Variants in TMTC4 observed in about 807,000 individuals in gnomAD.
TMTC4 encodes protein O-mannosyl-transferase TMTC4.
A neutral mutation model predicts 86.0 loss-of-function variants in TMTC4; 65 were observed. The observed-to-expected ratio is 0.76, with a 90% confidence interval of 0.62 to 0.93. The LOEUF (loss-of-function observed/expected upper bound fraction) is 0.93. TMTC4 is among the 40% of genes least tolerant of loss of function. The pLI, the probability that TMTC4 is intolerant of heterozygous loss-of-function variation, is 0.00. For missense variants in TMTC4, 866 were observed against 948.1 expected, an observed-to-expected ratio of 0.91 and a Z score of 1.14; for synonymous variants, 379 against 382.5, an observed-to-expected ratio of 0.99 and a Z score of 0.11.
intron 5 of TMTC4, among the ~76,000 whole-genome samples, chr13:100,659,643 TCTC>T (rs901776935): frequency 1.3e-5 from 2 of 151,830 alleles, no homozygotes; most frequent in African/African-American, 4.8e-5. Flanking sequence ...CCTCCCAGGC[TCTC>T]CTCCTTGCAG....
chr13:100,671,901 A>G (rs1887154367), intron 1 of TMTC4, among the ~76,000 whole-genome samples: 2 of 151,094 alleles, frequency 1.3e-5, no homozygotes, highest in Non-Finnish European at 2.9e-5. Context: ...AAAAGCTACA[A>G]TTTGTTAGAA....
chr13:100,625,394 A>G, intron 15 of TMTC4, 141 bp downstream of exon 15: 1 of 1,159,856 alleles, frequency 8.6e-7, no homozygotes, highest in South Asian at 1.4e-5. Flanking sequence ...GAAATCAAAT[A>G]GCTACCTTCA....
intron 9 of TMTC4, 122 bp from the exon 10 acceptor site, chr13:100,636,856 A>G (rs1040000155): frequency 2.0e-6 from 2 of 1,020,770 alleles, no homozygotes; most frequent in African/African-American, 1.6e-5. Flanking sequence ...GTTGTATCAA[A>G]TAAAATGTTG....
At chr13:100,625,323 A>G (rs1880298583) in intron 15 of TMTC4, 1 of 637,170 alleles carries the variant, frequency 1.6e-6, no homozygotes, top group Non-Finnish European at 2.6e-6. Context: ...GTGACCTCTT[A>G]AACTTGACTA....
intron 15 of TMTC4, among the ~76,000 whole-genome samples, chr13:100,616,142 G>T (rs996872347): frequency 3.9e-5 from 6 of 152,052 alleles, no homozygotes; most frequent in African/African-American, 1.4e-4. Context: ...ACAGCGGATG[G>T]GCACCTAGGT....
At chr13:100,644,167 A>G (rs1340275426) in intron 6 of TMTC4, among the ~76,000 whole-genome samples, 1 of 141,212 alleles carries the variant, frequency 7.1e-6, no homozygotes, top group Non-Finnish European at 1.5e-5. Context: ...GTGCAGTGGC[A>G]CGATCTCGGG....
In TMTC4 at chr13:100,641,707, G is replaced by A. The variant is rs1460207001; in HGVS notation, c.741+504C>T. Among the ~76,000 whole-genome samples, 6 of 152,216 alleles carry A rather than the reference G, an allele frequency of 3.9e-5. No individual in the cohort carries two copies. In the South Asian group the frequency reaches 8.3e-4, roughly 21 times the overall value. ...TCTCCATGTTGGTCAGGCTGGTTTC[G>A]AACTCCCGACCTCAGGTGATCTGCC... On this transcript the variant is annotated intron_variant, in intron 7 of 18. Coordinates refer to ENST00000342624, the MANE Select transcript of TMTC4 (RefSeq NM_032813.5).
intron 12 of TMTC4, 44 bp from the exon 13 acceptor site, chr13:100,626,194 G>A (rs1447382930): frequency 6.3e-7 from 1 of 1,585,462 alleles, no homozygotes; most frequent in Admixed American, 1.7e-5. Flanking sequence ...CAGACTTCTT[G>A]TTCAGAGCCT....
intron 5 of TMTC4, among the ~76,000 whole-genome samples, chr13:100,660,640 T>C (rs993773073): frequency 5.4e-5 from 8 of 149,324 alleles, no homozygotes; most frequent in African/African-American, 1.7e-4. Context: ...CCACTCTTTG[T>C]ATGTTTTTAA....
At chr13:100,636,454 A>C in intron 10 of TMTC4, 78 bp downstream of exon 10, 1 of 1,526,750 alleles carries the variant, frequency 6.5e-7, no homozygotes, top group Non-Finnish European at 9.0e-7. Context: ...CAAAATCATA[A>C]AAATGATCAG....
chr13:100,623,773 G>T, intron 15 of TMTC4: 1 of 254,702 alleles, frequency 3.9e-6, no homozygotes, highest in South Asian at 4.9e-5. Flanking sequence ...CCAGCTGATG[G>T]GTACCAGCTT....
intron 10 of TMTC4, among the ~76,000 whole-genome samples, 172 bp downstream of exon 10, chr13:100,636,360 A>C (rs1234021350): frequency 6.6e-6 from 1 of 152,246 alleles, no homozygotes; most frequent in African/African-American, 2.4e-5. Flanking sequence ...CACCCGCGGA[A>C]GCCAGCCATG....
In TMTC4 at chr13:100,603,852, T is replaced by C. The variant is rs1251568913; in HGVS notation, c.*1142A>G. ...CCACATAAATGATGATTTGGTCAGT[T>C]TGATTTCATTTTAAGGTAAAGGAGG... On this transcript the variant is annotated 3_prime_UTR_variant, in exon 19 of 19. Coordinates refer to ENST00000342624, the MANE Select transcript of TMTC4 (RefSeq NM_032813.5). The C allele has an allele frequency of 6.6e-6, 1 of 152,464 alleles. No individual in the cohort carries two copies. The highest frequency in any genetic ancestry group is 1.5e-5 in the Non-Finnish European group (1 of 68,028). The allele number at this position is 152,464 out of a possible 1,614,324, so 9.4% of individuals were successfully genotyped here. A position where few individuals can be genotyped will look rare whatever the true frequency, so the allele number is the denominator to read the frequency against.
upstream of TMTC4, chr13:100,675,041 G>C: frequency 1.0e-6 from 1 of 985,698 alleles, no homozygotes; most frequent in Non-Finnish European, 1.2e-6. Context: ...CTAGTCGGCG[G>C]CGAAGGAGGC....
In TMTC4 at chr13:100,670,552, C is replaced by G; in HGVS notation, c.-190G>C. On this transcript the variant is annotated 5_prime_UTR_variant, in exon 2 of 19. Transcript: ENST00000342624. Reference sequence around the variant, plus strand: ...TTTCCAGTCAAAGGATAAACCACTTCTCGAATCTAAATTACAACTGCAAAC... The same window carrying G: ...TTTCCAGTCAAAGGATAAACCACTTGTCGAATCTAAATTACAACTGCAAAC... 1 of 544,538 alleles carries G rather than the reference C, an allele frequency of 1.8e-6. No individual in the cohort carries two copies. The highest frequency in any genetic ancestry group is 3.2e-6 in the Non-Finnish European group (1 of 315,654). 33.7% of individuals were successfully genotyped at this position (544,538 alleles called of 1,614,324 possible).
intron 12 of TMTC4, among the ~76,000 whole-genome samples, chr13:100,634,235 T>C (rs144453969): frequency 1.3e-5 from 2 of 152,172 alleles, no homozygotes; most frequent in African/African-American, 4.8e-5. Context: ...GGCACATGAC[T>C]GTATGTACAT....
chr13:100,670,390 G>C lies in TMTC4; in HGVS notation c.-28C>G. The C allele has an allele frequency of 6.2e-7, 1 of 1,601,920 alleles. No homozygotes were observed. The highest frequency in any genetic ancestry group is 8.5e-7 in the Non-Finnish European group (1 of 1,175,494). On this transcript the variant is annotated 5_prime_UTR_variant, in exon 2 of 19. Transcript: ENST00000342624. Reference sequence around the variant, plus strand: ...CATGGTGATGCTGTCCCCTTCCAGGGGCCAGAAGGAGGCTCAGATTTACAA... The same window carrying C: ...CATGGTGATGCTGTCCCCTTCCAGGCGCCAGAAGGAGGCTCAGATTTACAA...
In TMTC4 at chr13:100,669,229, G is replaced by A. The variant is rs77110959; in HGVS notation, c.4-435C>T. Among the ~76,000 whole-genome samples the A allele has an allele frequency of 5.8e-3, 883 of 152,294 alleles. 13 individuals are homozygous for A. Among genetic ancestry groups the A allele is most frequent in the East Asian group, 0.019 (100 of 5,188 alleles). Reference sequence around the variant, plus strand: ...TGTGTGTGTGGCAGGGGAGAGGGTCGTGTGTAAAACACAACCCTGCTTCTG... The same window carrying A: ...TGTGTGTGTGGCAGGGGAGAGGGTCATGTGTAAAACACAACCCTGCTTCTG... On this transcript the variant is annotated intron_variant, in intron 2 of 18. Coordinates refer to ENST00000342624, the MANE Select transcript of TMTC4 (RefSeq NM_032813.5).
At chr13:100,668,487 C>T (rs1249136636) in intron 3 of TMTC4, 92 bp downstream of exon 3, 31 of 1,335,462 alleles carry the variant, frequency 2.3e-5, no homozygotes, top group Non-Finnish European at 3.1e-5. Context: ...GCTTAACCTA[C>T]ATTCCACAGA....
Sources: gnomAD v4.1 joint callset for allele counts (sites outside exome capture counted in the v4.1 genomes callset) on GRCh38, gnomAD v4.1.1 for gene constraint, MANE v1.5 for transcripts, NCBI Gene and HGNC (gene_info 2026-07-23, HGNC 2026-07-21) for gene names.